IL1RL2: variants seen among roughly 807,000 people sequenced by gnomAD.
IL1RL2 encodes the protein interleukin 1 receptor like 2, also known as interleukin-1 receptor-like 2.
A neutral mutation model predicts 66.8 loss-of-function variants in IL1RL2; 68 were observed. The observed-to-expected ratio is 1.02, with a 90% confidence interval of 0.84 to 1.25. The LOEUF is 1.25. Among genes scored for constraint, IL1RL2 ranks in the 50% most tolerant of loss-of-function variants. The probability of loss-of-function intolerance (pLI) is 0.00; values close to 1 mark genes in which losing one functional copy is unlikely to be tolerated. For missense variants in IL1RL2, 729 were observed against 709.3 expected, an observed-to-expected ratio of 1.03 and a Z score of -0.32; for synonymous variants, 305 against 264.6, an observed-to-expected ratio of 1.15 and a Z score of -1.48.
chr2:102,235,419 G>A, intron 11 of IL1RL2, 142 bp downstream of exon 11: 1 of 1,448,652 alleles, frequency 6.9e-7, no homozygotes, highest in Non-Finnish European at 9.0e-7. Context: ...GAGAGGATCT[G>A]TTGTGTTTGT....
intron 9 of IL1RL2, among the ~76,000 whole-genome samples, chr2:102,228,511 T>C (rs946159936): frequency 6.6e-6 from 1 of 152,186 alleles, no homozygotes; most frequent in South Asian, 2.1e-4. Context: ...ACTGGAGCTT[T>C]ACAAATTCTC....
chr2:102,231,030 C>T lies in IL1RL2; in HGVS notation c.1136-1933C>T, dbSNP rs557458876. 2.2e-3 allele frequency among the ~76,000 whole-genome samples: 329 copies of T among 152,280 alleles called. 2 individuals are homozygous for T. Among genetic ancestry groups the T allele is most frequent in the African/African-American group, 7.5e-3 (311 of 41,550 alleles). ...AAAGGAAATAGAAAAGGACACCACCCCTCTCTAGTACCTACTAGGCTGTCT... is the reference window on the plus strand; with the variant it reads ...AAAGGAAATAGAAAAGGACACCACCTCTCTCTAGTACCTACTAGGCTGTCT... On this transcript the variant is annotated intron_variant, in intron 9 of 11. Coordinates refer to ENST00000264257, the MANE Select transcript of IL1RL2 (RefSeq NM_003854.4).
intron 11 of IL1RL2, among the ~76,000 whole-genome samples, chr2:102,237,650 A>G (rs1675000040): frequency 6.6e-6 from 1 of 152,216 alleles, no homozygotes; most frequent in Admixed American, 6.5e-5. Context: ...CGAGATGCAA[A>G]GAAACTTTTT....
At chr2:102,208,018 T>A (rs11677606) in intron 5 of IL1RL2, among the ~76,000 whole-genome samples, 42,655 of 152,124 alleles carry the variant, frequency 0.28, 6,614 homozygotes, top group East Asian at 0.39. Context: ...TTCTAACAAG[T>A]CAGCATTGAG....
intron 2 of IL1RL2, 41 bp from the exon 3 acceptor site, chr2:102,189,035 C>T (rs1257892123): frequency 2.0e-6 from 3 of 1,478,716 alleles, no homozygotes; most frequent in Admixed American, 3.8e-5. Context: ...CTGAAGTTTT[C>T]TTTCATGGAT....
chr2:102,195,626 T>C (rs1337285674), intron 4 of IL1RL2, among the ~76,000 whole-genome samples: 30 of 15,848 alleles, frequency 1.9e-3, no homozygotes, highest in African/African-American at 5.0e-3. Flanking sequence ...TCTTTCTTTC[T>C]TTCTCTCTCT....
rs1420527117 is a variant in IL1RL2, at chr2:102,219,081, G to T, written c.853G>T (p.Glu285Ter). 1 of 1,613,706 alleles carries T rather than the reference G, an allele frequency of 6.2e-7. No individual in the cohort carries two copies. The highest frequency in any genetic ancestry group is 1.3e-5 in the African/African-American group (1 of 74,890). The part of the protein sequence containing the change: ...DESKRIREGV[E>*]THVSFREHNL... Reference sequence around the variant, plus strand: ...ATCCAAACGAATCAGAGAAGGGGTGGAGTAGGTGTTTTGCTTTTTTGACTT... The same window carrying T: ...ATCCAAACGAATCAGAGAAGGGGTGTAGTAGGTGTTTTGCTTTTTTGACTT... The change falls in exon 7 of 12, where the codon GAA becomes TAA. Residue 285 changes from glutamate to a stop codon, truncating the protein, a stop_gained and splice_region_variant. Transcript: ENST00000264257. LOFTEE classifies it high-confidence loss of function.
intron 9 of IL1RL2, among the ~76,000 whole-genome samples, chr2:102,227,501 TC>T (rs1352022670): frequency 6.6e-6 from 1 of 152,160 alleles, no homozygotes; most frequent in Admixed American, 6.5e-5. Flanking sequence ...ACAAAAGTCA[TC>T]TGAACCTTAA....
At chr2:102,194,157 C>T (rs1184151695) in intron 4 of IL1RL2, among the ~76,000 whole-genome samples, 1 of 152,164 alleles carries the variant, frequency 6.6e-6, no homozygotes, top group African/African-American at 2.4e-5. Context: ...CCCAAATAAC[C>T]ACTTCCCTGA....
intron 5 of IL1RL2, among the ~76,000 whole-genome samples, chr2:102,205,253 T>C (rs1688611006): frequency 6.6e-6 from 1 of 152,294 alleles, no homozygotes; most frequent in Non-Finnish European, 1.5e-5. Context: ...TTTTGATTGG[T>C]TCATCATTCA....
intron 5 of IL1RL2, among the ~76,000 whole-genome samples, chr2:102,211,380 G>A (rs1310711284): frequency 6.6e-6 from 1 of 152,046 alleles, no homozygotes; most frequent in African/African-American, 2.4e-5. Context: ...AAGTTTGGTG[G>A]TAGGATGAAA....
intron 4 of IL1RL2, among the ~76,000 whole-genome samples, chr2:102,197,379 G>T (rs143679650): frequency 6.6e-6 from 1 of 152,298 alleles, no homozygotes; most frequent in Non-Finnish European, 1.5e-5. Flanking sequence ...GGATGGACAG[G>T]AAAGGAAATG....
At position 102,212,869 on chromosome 2, in the gene IL1RL2, C is replaced by T. The variant is rs192731534; in HGVS notation, c.724+695C>T. 7.2e-3 allele frequency among the ~76,000 whole-genome samples: 1,095 copies of T among 151,810 alleles called. 17 individuals are homozygous for T. Among genetic ancestry groups the T allele is most frequent in the African/African-American group, 0.026 (1,057 of 41,396 alleles). ...CTGTAGTCCCAGCTACTTGGGAGGC[C>T]GAGGCAGGAGAATGGCGTGAACCCG... is the stretch of plus-strand genomic sequence containing the variant. On this transcript the variant is annotated intron_variant, in intron 6 of 11. Transcript: ENST00000264257.
At chr2:102,242,923 A>G (rs1675263955), downstream of IL1RL2, among the ~76,000 whole-genome samples, 2 of 152,168 alleles carry the variant, frequency 1.3e-5, no homozygotes, top group Admixed American at 1.3e-4. Context: ...TTTTAAATAG[A>G]TCTATTTATA....
intron 8 of IL1RL2, 84 bp downstream of exon 8, chr2:102,220,101 T>A (rs963800550): frequency 7.6e-7 from 1 of 1,310,256 alleles, no homozygotes; most frequent in African/African-American, 1.4e-5. Context: ...TGACTCTAAA[T>A]GCTCAGTGTG....
chr2:102,230,428 A>G (rs928971121), intron 9 of IL1RL2, among the ~76,000 whole-genome samples: 2 of 152,178 alleles, frequency 1.3e-5, no homozygotes, highest in Admixed American at 6.5e-5. Flanking sequence ...TCAAGACACA[A>G]ATTAGTTATC....
intron 10 of IL1RL2, 49 bp from the exon 11 acceptor site, chr2:102,234,847 CG>C: frequency 6.6e-7 from 1 of 1,514,882 alleles, no homozygotes; most frequent in Non-Finnish European, 9.1e-7. Context: ...CATTAAGACC[CG>C]GGCTGTTTTA....
At chr2:102,203,569 A>T (rs1018978631) in intron 5 of IL1RL2, among the ~76,000 whole-genome samples, 1 of 151,934 alleles carries the variant, frequency 6.6e-6, no homozygotes, top group Non-Finnish European at 1.5e-5. Context: ...AAGATACTTT[A>T]TTAAAATTTC....
intron 9 of IL1RL2, among the ~76,000 whole-genome samples, chr2:102,229,292 G>A (rs749945872): frequency 6.6e-6 from 1 of 152,224 alleles, no homozygotes; most frequent in African/African-American, 2.4e-5. Flanking sequence ...AGTTCTGGAA[G>A]AACATGTGGG....
Sources: allele counts gnomAD v4.1 joint callset (sites outside exome capture counted in the v4.1 genomes callset), GRCh38; gene constraint gnomAD v4.1.1; transcripts MANE v1.5; gene names NCBI Gene and HGNC (gene_info 2026-07-23, HGNC 2026-07-21).